The following PDE1C variants were observed in gnomAD, a reference collection of about 807,000 sequenced individuals.
PDE1C encodes dual specificity calcium/calmodulin-dependent 3',5'-cyclic nucleotide phosphodiesterase 1C.
PDE1C carries 62 observed loss-of-function variants against 93.1 expected under a neutral mutation model. The observed-to-expected ratio is 0.67, with a 90% CI of 0.54 to 0.82. The LOEUF (loss-of-function observed/expected upper bound fraction) is 0.82. Among genes scored for constraint, PDE1C ranks in the 40% least tolerant of loss-of-function variants. PDE1C has a pLI of 0.00. For missense variants in PDE1C, 742 were observed against 884.6 expected (o/e 0.84, Z 2.04); for synonymous variants, 325 against 310.1 (o/e 1.05, Z -0.50).
the PDE1C span, among the ~76,000 whole-genome samples, chr7:31,660,078 C>T: frequency 6.6e-6 from 1 of 152,084 alleles, no homozygotes; most frequent in Non-Finnish European, 1.5e-5. Context: ...TTGCTGCCGC[C>T]ATGTGAAGAA....
intron 2 of PDE1C, among the ~76,000 whole-genome samples, chr7:31,903,382 A>G (rs1403039348): frequency 6.6e-6 from 1 of 152,030 alleles, no homozygotes; most frequent in South Asian, 2.1e-4. Flanking sequence ...AAGAGATCCT[A>G]TTTTTACAAA....
chr7:31,731,831 G>T, the PDE1C span, among the ~76,000 whole-genome samples: 2 of 152,218 alleles, frequency 1.3e-5, no homozygotes, highest in African/African-American at 2.4e-5. Context: ...GAGAGGACAG[G>T]GTTGAGGAGA....
chr7:32,111,038 A>G (rs930109974), intron 3 of PDE1C, among the ~76,000 whole-genome samples: 1 of 152,164 alleles, frequency 6.6e-6, no homozygotes, highest in African/African-American at 2.4e-5. Context: ...AGAGGGTTTC[A>G]CATAAACCAG....
In PDE1C at chr7:31,879,076, C is replaced by G. The variant is rs61745788; in HGVS notation, c.345G>C (p.Gly115=). 1.9e-5 allele frequency: 31 copies of G among 1,614,012 alleles called. No homozygotes were observed. The highest frequency in any genetic ancestry group is 2.2e-5 in the Non-Finnish European group (26 of 1,180,010). ...WLASTFTRQM[G]MMLRRSDEKP... The stretch of plus-strand genomic sequence containing the variant: ...TCTCGTCGCTCCTCCTGAGCATCAT[C>G]CCCATCTGCCGCGTGAAGGTGGAGG... Residue 115 remains glycine, a synonymous_variant, in exon 4 of 18, where the codon GGG becomes GGC. Coordinates refer to ENST00000396191, the MANE Select transcript of PDE1C (RefSeq NM_001191057.4).
rs1365191932 is a variant in PDE1C at position 32,018,106 on chromosome 7, A to G, written c.128+33448T>C. ...TGTCTAAAAAAAAAAGAAAAACACA[A>G]TGAGATACAACTTCACATCATCTAG... On this transcript the variant is annotated intron_variant, in intron 2 of 17. Coordinates refer to ENST00000396191, the MANE Select transcript of PDE1C (RefSeq NM_001191057.4). Among the ~76,000 whole-genome samples the G allele has an allele frequency of 2.2e-4, 34 of 151,630 alleles. No individual in the cohort carries two copies. In the Admixed American group the frequency reaches 2.2e-3, roughly 10 times the overall value.
chr7:32,202,953 T>C (rs184259911), intron 2 of PDE1C, among the ~76,000 whole-genome samples: 18 of 152,268 alleles, frequency 1.2e-4, no homozygotes, highest in African/African-American at 3.9e-4. Context: ...TCATCTTACA[T>C]AATAGAAACT....
intron 2 of PDE1C, among the ~76,000 whole-genome samples, chr7:31,997,133 G>T (rs970012027): frequency 6.6e-6 from 1 of 152,228 alleles, no homozygotes; most frequent in Non-Finnish European, 1.5e-5. Context: ...GCTTCATGAA[G>T]CAAGTTAGTA....
At chr7:31,691,213 G>A in the PDE1C span, among the ~76,000 whole-genome samples, 1 of 152,190 alleles carries the variant, frequency 6.6e-6, no homozygotes, top group East Asian at 1.9e-4. Context: ...GCTATCCAGT[G>A]ATCTCAGCAC....
At chr7:31,756,555 T>A (rs1330922280) in intron 17 of PDE1C, among the ~76,000 whole-genome samples, 2 of 151,926 alleles carry the variant, frequency 1.3e-5, no homozygotes, top group Admixed American at 6.6e-5. Context: ...GGGTAACAAG[T>A]AGGGAAATTT....
At chr7:32,081,232 A>C (rs1450664445) in intron 3 of PDE1C, among the ~76,000 whole-genome samples, 1 of 152,212 alleles carries the variant, frequency 6.6e-6, no homozygotes, top group East Asian at 1.9e-4. Flanking sequence ...AAAGCATTGA[A>C]AGGAAAGAGT....
intron 17 of PDE1C, among the ~76,000 whole-genome samples, chr7:31,755,968 CCAGCCTGA>C (rs2128599453): frequency 6.6e-6 from 1 of 152,184 alleles, no homozygotes; most frequent in Non-Finnish European, 1.5e-5. Flanking sequence ...GAGTTTGAGA[CCAGCCTGA>C]CCAACATGGT....
chr7:31,653,123 A>G, the PDE1C span: 1 of 477,416 alleles, frequency 2.1e-6, no homozygotes, highest in Non-Finnish European at 3.2e-6. Flanking sequence ...TAGAATTGCA[A>G]ACAAAAAGTA....
chr7:32,375,791 G>A (rs1482503789), intron 1 of PDE1C, among the ~76,000 whole-genome samples: 1 of 152,240 alleles, frequency 6.6e-6, no homozygotes, highest in African/African-American at 2.4e-5. Context: ...CTAGGGCCAT[G>A]ATAATGTAAG....
At chr7:31,701,705 T>C in the PDE1C span, among the ~76,000 whole-genome samples, 4 of 152,244 alleles carry the variant, frequency 2.6e-5, no homozygotes, top group Non-Finnish European at 5.9e-5. Context: ...CACAGCCACC[T>C]AACCTTCAGC....
At chr7:32,043,067 G>A (rs935943340) in intron 2 of PDE1C, among the ~76,000 whole-genome samples, 4 of 152,112 alleles carry the variant, frequency 2.6e-5, no homozygotes, top group Non-Finnish European at 5.9e-5. Flanking sequence ...GGACATTTTT[G>A]GTTGCCACAG....
chr7:31,964,706 C>T lies in PDE1C; in HGVS notation c.129-83846G>A, dbSNP rs183884797. On this transcript the variant is annotated intron_variant, in intron 2 of 17. Coordinates refer to ENST00000396191, the MANE Select transcript of PDE1C (RefSeq NM_001191057.4). ...AGTAGCCTAACTGGGAGGCAACCCC[C>T]CAATAGGGGTGGACTGACACCTCAA... Among the ~76,000 whole-genome samples the T allele has an allele frequency of 4.6e-3, 701 of 152,304 alleles. 4 individuals carry two copies. The highest frequency in any genetic ancestry group is 0.016 in the African/African-American group (674 of 41,566).
At chr7:32,205,836 G>A (rs943364071) in intron 2 of PDE1C, among the ~76,000 whole-genome samples, 1 of 152,166 alleles carries the variant, frequency 6.6e-6, no homozygotes, top group Non-Finnish European at 1.5e-5. Flanking sequence ...AAGGTCTGCA[G>A]CTTCACCCCT....
chr7:31,735,299 G>A, the PDE1C span, among the ~76,000 whole-genome samples: 1 of 152,086 alleles, frequency 6.6e-6, no homozygotes, highest in Non-Finnish European at 1.5e-5. Flanking sequence ...TTGGGAGGCT[G>A]AGGCAGGAGA....
chr7:31,878,692 C>T (rs1266770751), intron 4 of PDE1C, among the ~76,000 whole-genome samples: 1 of 152,118 alleles, frequency 6.6e-6, no homozygotes, highest in African/African-American at 2.4e-5. Flanking sequence ...AGACATCATC[C>T]ACCTATTTCA....
Sources: gnomAD v4.1 joint callset for allele counts (sites outside exome capture counted in the v4.1 genomes callset) on GRCh38, gnomAD v4.1.1 for gene constraint, MANE v1.5 for transcripts, NCBI Gene and HGNC (gene_info 2026-07-23, HGNC 2026-07-21) for gene names.